Variants in STPG2 observed in about 807,000 individuals in gnomAD.
The protein encoded by STPG2 is sperm-tail PG-rich repeat-containing protein 2.
A neutral mutation model predicts 54.2 loss-of-function variants in STPG2; 56 were observed. The ratio of observed to expected loss-of-function variants is 1.03; its 90% CI spans 0.83 to 1.29. STPG2 has a LOEUF of 1.29. Among genes scored for constraint, STPG2 ranks in the 50% most tolerant of loss-of-function variants. STPG2 has a pLI of 0.00. For missense variants in STPG2, 596 were observed against 544.9 expected (o/e 1.09, Z -0.93); for synonymous variants, 200 against 181.8 (o/e 1.10, Z -0.81).
chr4:97,558,631 G>A (rs377334065), downstream of STPG2, among the ~76,000 whole-genome samples: 99 of 152,256 alleles, frequency 6.5e-4, 1 homozygote, highest in South Asian at 0.02. Context: ...AGCCCGTGTG[G>A]AGGTGAATCC....
intron 5 of STPG2, among the ~76,000 whole-genome samples, chr4:98,018,261 T>C (rs551601480): frequency 6.6e-6 from 1 of 151,718 alleles, no homozygotes; most frequent in East Asian, 1.9e-4. Flanking sequence ...AGGGAGAACA[T>C]GCGGTGTTTG....
At chr4:98,004,740 T>C (rs1039921089) in intron 5 of STPG2, among the ~76,000 whole-genome samples, 3 of 152,204 alleles carry the variant, frequency 2.0e-5, no homozygotes, top group African/African-American at 7.2e-5. Context: ...TGATGATTAG[T>C]GATGTTAAGC....
intron 9 of STPG2, among the ~76,000 whole-genome samples, chr4:97,777,548 T>C (rs1256976171): frequency 6.6e-6 from 1 of 152,216 alleles, no homozygotes; most frequent in Non-Finnish European, 1.5e-5. Flanking sequence ...TACCTGGTTC[T>C]ATTAGCTCTA....
In STPG2 at chr4:97,714,819, G is replaced by A. The variant is rs182767208; in HGVS notation, c.1205-2005C>T. On this transcript the variant is annotated intron_variant, in intron 9 of 10. Coordinates refer to ENST00000295268, the MANE Select transcript of STPG2 (RefSeq NM_174952.3). Reference sequence around the variant, plus strand: ...TTAATTGAAAATTGTAGTTTTAACCGTAAAGATATATAAAGGTTAATGCAA... The same window carrying A: ...TTAATTGAAAATTGTAGTTTTAACCATAAAGATATATAAAGGTTAATGCAA... Among the ~76,000 whole-genome samples, 645 of 152,098 alleles carry A rather than the reference G, an allele frequency of 4.2e-3. 2 individuals are homozygous for A. Among genetic ancestry groups the A allele is most frequent in the South Asian group, 0.02 (96 of 4,818 alleles).
intron 8 of STPG2, among the ~76,000 whole-genome samples, chr4:97,932,791 T>C (rs568887815): frequency 6.6e-6 from 1 of 152,308 alleles, no homozygotes; most frequent in East Asian, 1.9e-4. Context: ...GTTGATTCCA[T>C]GTCTTTGCTA....
chr4:97,634,913 T>A (rs1721453514), intron 10 of STPG2, among the ~76,000 whole-genome samples: 1 of 152,084 alleles, frequency 6.6e-6, no homozygotes, highest in Non-Finnish European at 1.5e-5. Flanking sequence ...TGGAAAACAC[T>A]CTGCAGGATA....
chr4:97,486,527 C>T (rs561851730), intron 4 of STPG2, among the ~76,000 whole-genome samples: 88 of 151,592 alleles, frequency 5.8e-4, no homozygotes, highest in Admixed American at 3.1e-3. Flanking sequence ...TAGATGTTGG[C>T]GTGGATGCAG....
chr4:97,906,699 A>G (rs1483180838), intron 8 of STPG2, among the ~76,000 whole-genome samples: 1 of 151,910 alleles, frequency 6.6e-6, no homozygotes, highest in Non-Finnish European at 1.5e-5. Context: ...CTGGGATGCA[A>G]GGCTGGTTCA....
In STPG2 at chr4:97,961,886, T is replaced by C. The variant is rs374347890; in HGVS notation, c.933+10394A>G. ...CTACCCATAGGAAAAGTAGTCATTA[T>C]ATGAAAAAGATACTTGCACACGCAC... On this transcript the variant is annotated intron_variant, in intron 7 of 10. Coordinates refer to ENST00000295268, the MANE Select transcript of STPG2 (RefSeq NM_174952.3). 9.2e-5 allele frequency among the ~76,000 whole-genome samples: 14 copies of C among 152,308 alleles called. 1 individual carries two copies. Among genetic ancestry groups the C allele is most frequent in the African/African-American group, 3.4e-4 (14 of 41,580 alleles).
chr4:97,964,646 G>A (rs968681707), intron 7 of STPG2, among the ~76,000 whole-genome samples: 3 of 151,956 alleles, frequency 2.0e-5, no homozygotes, highest in Non-Finnish European at 4.4e-5. Flanking sequence ...CAGCAATTAA[G>A]GGCAACAGAT....
intron 5 of STPG2, among the ~76,000 whole-genome samples, chr4:98,077,219 A>C (rs1738194331): frequency 8.7e-6 from 1 of 114,286 alleles, no homozygotes; most frequent in Non-Finnish European, 1.8e-5. Context: ...TTGCGTCCTC[A>C]ATAGTTTTGT....
In STPG2 at chr4:97,943,982, C is replaced by T. The variant is rs554323137; in HGVS notation, c.959G>A (p.Gly320Glu). The change falls in exon 8 of 11, where the codon GGA becomes GAA. Residue 320 changes from glycine (G) to glutamate (E), a missense_variant. Coordinates refer to ENST00000295268, the MANE Select transcript of STPG2 (RefSeq NM_174952.3). The part of the protein sequence containing the change: ...YQEFWHSQGV[G>E]ISDELPNLTN... ...CAAGTTAGGTAATTCATCAGAAATT[C>T]CCACACCCTGTGAATGCCAAAATTC... The T allele has an allele frequency of 3.5e-5, 56 of 1,608,114 alleles. 2 individuals are homozygous for T. In the South Asian group the frequency reaches 5.9e-4, roughly 17 times the overall value.
At chr4:97,461,423 C>T (rs370139543) in intron 4 of STPG2, among the ~76,000 whole-genome samples, 14 of 152,254 alleles carry the variant, frequency 9.2e-5, no homozygotes, top group East Asian at 7.7e-4. Context: ...AATTAGATCA[C>T]GATGGTTGAG....
intron 5 of STPG2, among the ~76,000 whole-genome samples, chr4:98,079,243 T>C (rs1230186860): frequency 6.6e-6 from 1 of 152,224 alleles, no homozygotes; most frequent in African/African-American, 2.4e-5. Flanking sequence ...AAAAATATTG[T>C]TCTCACACCA....
rs188053074 is a variant in STPG2 at position 98,089,523 on chromosome 4, G to A, written c.612+16430C>T. ...TGCTACTAAAAACATGCATGTGCATGTGTTTTTTTTCATGTAATGACTTCT... is the reference window on the plus strand; with the variant it reads ...TGCTACTAAAAACATGCATGTGCATATGTTTTTTTTCATGTAATGACTTCT... On this transcript the variant is annotated intron_variant, in intron 5 of 10. Transcript: ENST00000295268. 4.3e-3 allele frequency among the ~76,000 whole-genome samples: 646 copies of A among 151,962 alleles called. 3 individuals carry two copies. Among genetic ancestry groups the A allele is most frequent in the South Asian group, 0.025 (118 of 4,802 alleles).
chr4:97,504,916 A>C (rs946003676), intron 4 of STPG2, among the ~76,000 whole-genome samples: 1 of 152,038 alleles, frequency 6.6e-6, no homozygotes, highest in Non-Finnish European at 1.5e-5. Context: ...TGTTGTCACC[A>C]TGGTACAGAC....
At chr4:97,747,219 T>C (rs1358809955) in intron 9 of STPG2, among the ~76,000 whole-genome samples, 1 of 151,340 alleles carries the variant, frequency 6.6e-6, no homozygotes, top group Non-Finnish European at 1.5e-5. Flanking sequence ...GAAACTTCCA[T>C]GCACTGCAAT....
intron 9 of STPG2, among the ~76,000 whole-genome samples, chr4:97,827,142 A>G (rs566672937): frequency 1.3e-5 from 2 of 152,296 alleles, no homozygotes; most frequent in Admixed American, 1.3e-4. Flanking sequence ...ATTAAGATAG[A>G]AGTCTAAAGT....
chr4:97,892,825 G>A (rs768764403), intron 8 of STPG2, among the ~76,000 whole-genome samples: 11 of 152,096 alleles, frequency 7.2e-5, no homozygotes, highest in Non-Finnish European at 1.6e-4. Context: ...GCTGTCACCT[G>A]CTTTGCATAG....
Sources: allele counts gnomAD v4.1 joint callset (sites outside exome capture counted in the v4.1 genomes callset), GRCh38; gene constraint gnomAD v4.1.1; transcripts MANE v1.5; gene names NCBI Gene and HGNC (gene_info 2026-07-23, HGNC 2026-07-21).